The following ACOT13 variants were observed in gnomAD, a reference collection of about 807,000 sequenced individuals.
ACOT13 encodes acyl-CoA thioesterase 13.
Under a neutral mutation model 11.8 loss-of-function variants are expected in ACOT13, and 10 were observed. The ratio of observed to expected loss-of-function variants is 0.85; its 90% CI spans 0.53 to 1.44. The LOEUF is 1.44. Among genes scored for constraint, ACOT13 ranks in the 40% most tolerant of loss-of-function variants. The pLI is 0.00. For missense variants in ACOT13, 172 were observed against 174.1 expected, an observed-to-expected ratio of 0.99 and a Z score of 0.07; for synonymous variants, 53 against 61.0, an observed-to-expected ratio of 0.87 and a Z score of 0.61.
chr6:24,671,851 G>A (rs1439872359), intron 1 of ACOT13, among the ~76,000 whole-genome samples: 1 of 152,112 alleles, frequency 6.6e-6, no homozygotes, highest in Admixed American at 6.6e-5. Context: ...GATTATTACT[G>A]ATAATGTACA....
chr6:24,688,062 G>A (rs907372394), intron 1 of ACOT13, among the ~76,000 whole-genome samples: 2 of 151,944 alleles, frequency 1.3e-5, no homozygotes, highest in Admixed American at 6.6e-5. Context: ...TATAGATTTT[G>A]GACTGACTAC....
At chr6:24,699,667 C>T (rs776817559) in intron 2 of ACOT13, among the ~76,000 whole-genome samples, 4 of 152,226 alleles carry the variant, frequency 2.6e-5, no homozygotes, top group African/African-American at 4.8e-5. Context: ...AAAAGAAAGG[C>T]TCTGCTTATG....
At chr6:24,684,254 C>A (rs1778596162) in intron 1 of ACOT13, among the ~76,000 whole-genome samples, 3 of 152,176 alleles carry the variant, frequency 2.0e-5, no homozygotes, top group Admixed American at 2.0e-4. Flanking sequence ...AATCCAAGGG[C>A]ATACTATTTG....
intron 1 of ACOT13, among the ~76,000 whole-genome samples, chr6:24,668,031 C>T (rs1033460590): frequency 2.8e-4 from 43 of 152,132 alleles, no homozygotes; most frequent in Non-Finnish European, 5.9e-4. Context: ...CACTCAGCCT[C>T]CCGAGTGGCT....
At chr6:24,672,608 C>T (rs1412821720) in intron 1 of ACOT13, among the ~76,000 whole-genome samples, 3 of 152,152 alleles carry the variant, frequency 2.0e-5, no homozygotes, top group Non-Finnish European at 2.9e-5. Context: ...CACTGCAGTT[C>T]CAGCCTGGGT....
At chr6:24,690,607 C>T (rs1778704983) in intron 1 of ACOT13, among the ~76,000 whole-genome samples, 1 of 152,226 alleles carries the variant, frequency 6.6e-6, no homozygotes, top group Non-Finnish European at 1.5e-5. Flanking sequence ...ATATCTGTCA[C>T]CACCACCACT....
rs539049885 is a variant in ACOT13 at position 24,698,790 on chromosome 6, A to C, written c.266+723A>C. 3.7e-4 allele frequency among the ~76,000 whole-genome samples: 56 copies of C among 152,016 alleles called. No homozygotes were observed. The South Asian group carries it at 4.0e-3, about 11-fold the overall frequency. ...GTAGCTGGGATTACAGGTGTGCGCC[A>C]CCATGCTGGGCTAATTTTTGTGTTT... On this transcript the variant is annotated intron_variant, in intron 2 of 2. Transcript: ENST00000230048.
At chr6:24,692,837 C>G (rs1778738620) in intron 1 of ACOT13, among the ~76,000 whole-genome samples, 1 of 152,216 alleles carries the variant, frequency 6.6e-6, no homozygotes, top group Non-Finnish European at 1.5e-5. Context: ...GCTTCCAGAG[C>G]CAGTACTCTC....
chr6:24,680,708 C>T (rs1300764117), intron 1 of ACOT13, among the ~76,000 whole-genome samples: 3 of 152,158 alleles, frequency 2.0e-5, no homozygotes, highest in African/African-American at 7.2e-5. Flanking sequence ...TAGAGCTGGG[C>T]TGGGTTCCTG....
At chr6:24,686,283 T>C (rs1265708359) in intron 1 of ACOT13, among the ~76,000 whole-genome samples, 3 of 152,196 alleles carry the variant, frequency 2.0e-5, no homozygotes, top group Admixed American at 2.0e-4. Context: ...GTATCCTTTT[T>C]TAAAAATTTT....
rs1389557979 is a variant in ACOT13, at chr6:24,675,666, C to G, written c.81+8322C>G. Among the ~76,000 whole-genome samples the G allele has an allele frequency of 5.3e-5, 8 of 152,260 alleles. No individual in the cohort carries two copies. In the East Asian group the frequency reaches 1.4e-3, roughly 26 times the overall value. ...GTTGGGTAGATTGTAAAAATTTTCT[C>G]CCATCCTGTAGGTTGCCTGTTCACT... On this transcript the variant is annotated intron_variant, in intron 1 of 2. Transcript: ENST00000230048.
At chr6:24,688,050 CTT>C (rs1293949597) in intron 1 of ACOT13, among the ~76,000 whole-genome samples, 2 of 152,028 alleles carry the variant, frequency 1.3e-5, no homozygotes, top group Non-Finnish European at 2.9e-5. Context: ...AATAGAAAAA[CTT>C]ATAGATTTTG....
chr6:24,685,634 C>T (rs933949256), intron 1 of ACOT13, among the ~76,000 whole-genome samples: 13 of 152,166 alleles, frequency 8.5e-5, no homozygotes, highest in African/African-American at 2.9e-4. Context: ...GCGTAAGCCA[C>T]CGCGCCCGGC....
chr6:24,678,691 G>C (rs1778496361), intron 1 of ACOT13, among the ~76,000 whole-genome samples: 1 of 152,178 alleles, frequency 6.6e-6, no homozygotes. Context: ...GCTTTTGCTA[G>C]AATGTCTCCC....
Position 24,667,132 on chromosome 6 carries a change from G to A in ACOT13, c.-132G>A. 1.0e-6 allele frequency: 1 copy of A among 985,736 alleles called. No homozygotes were observed. Among genetic ancestry groups the A allele is most frequent in the Non-Finnish European group, 1.5e-6 (1 of 668,962 alleles). 61.1% of individuals were successfully genotyped at this position (985,736 alleles called of 1,614,324 possible). A position where few individuals can be genotyped will look rare whatever the true frequency, so the allele number is the denominator to read the frequency against. On this transcript the variant is annotated 5_prime_UTR_variant, in exon 1 of 3. Coordinates refer to ENST00000230048, the MANE Select transcript of ACOT13 (RefSeq NM_018473.4). Reference sequence around the variant, plus strand: ...CAGCTCGCCTGACTCCCGGCCTCTTGCGCTCCTAGGGGCGGAGAAGGGTGC... The same window carrying A: ...CAGCTCGCCTGACTCCCGGCCTCTTACGCTCCTAGGGGCGGAGAAGGGTGC...
In ACOT13 at chr6:24,667,273, A is replaced by G. The variant is rs76659610; in HGVS notation, c.10A>G (p.Met4Val). The G allele has an allele frequency of 6.6e-4, 1,058 of 1,614,168 alleles. 7 individuals carry two copies. The African/African-American group carries it at 0.013, about 19-fold the overall frequency. Residue 4 changes from methionine to valine, a missense_variant, in exon 1 of 3, where the codon ATG (methionine) becomes GTG (valine). Coordinates refer to ENST00000230048, the MANE Select transcript of ACOT13 (RefSeq NM_018473.4). ...TGGAAAACCGTCCACGATGACCAGC[A>G]TGACTCAGTCTCTGCGGGAGGTGAT... MTS[M>V]TQSLREVIKA...
intron 2 of ACOT13, among the ~76,000 whole-genome samples, chr6:24,700,228 A>G (rs1778869812): frequency 6.6e-6 from 1 of 152,204 alleles, no homozygotes; most frequent in Admixed American, 6.5e-5. Flanking sequence ...ATGTTTACTC[A>G]TCTGTAGCAC....
chr6:24,685,568 G>A (rs916072024), intron 1 of ACOT13, among the ~76,000 whole-genome samples: 12 of 151,622 alleles, frequency 7.9e-5, no homozygotes, highest in South Asian at 2.1e-4. Context: ...GGATGGTCTC[G>A]ATCTCCTGAC....
At chr6:24,685,332 CTTTTTTTTTTTTTTTTTT>C (rs563020332) in intron 1 of ACOT13, among the ~76,000 whole-genome samples, 19 of 116,756 alleles carry the variant, frequency 1.6e-4, no homozygotes, top group Non-Finnish European at 2.2e-4. Context: ...TTTTACTGTA[CTTTTTTTTTTTTTTTTTT>C]TTTTTTTTTT....
Sources: allele counts gnomAD v4.1 joint callset (sites outside exome capture counted in the v4.1 genomes callset), GRCh38; gene constraint gnomAD v4.1.1; transcripts MANE v1.5; gene names NCBI Gene and HGNC (gene_info 2026-07-23, HGNC 2026-07-21).